Variants in H6PD observed in about 807,000 individuals in gnomAD.
H6PD encodes GDH/6PGL endoplasmic bifunctional protein.
Under a neutral mutation model 61.2 loss-of-function variants are expected in H6PD, and 48 were observed. That is an observed-to-expected ratio of 0.78 (90% confidence interval 0.62 to 1.00). H6PD has a LOEUF of 1.00. Among genes scored for constraint, H6PD ranks in the 50% least tolerant of loss-of-function variants. The pLI, the probability that H6PD is intolerant of heterozygous loss-of-function variation, is 0.00. For missense variants in H6PD, 1,093 were observed against 1,065.0 expected (o/e 1.03, Z -0.37); for synonymous variants, 480 against 457.9 (o/e 1.05, Z -0.62).
chr1:9,265,823 A>C lies in H6PD; in HGVS notation c.*954A>C, dbSNP rs1638537964. The C allele has an allele frequency of 6.6e-6, 1 of 151,384 alleles. No individual in the cohort carries two copies. Among genetic ancestry groups the C allele is most frequent in the Non-Finnish European group, 1.5e-5 (1 of 67,872 alleles). 9.4% of individuals were successfully genotyped at this position (151,384 alleles called of 1,614,324 possible). A position where few individuals can be genotyped will look rare whatever the true frequency, so the allele number is the denominator to read the frequency against. On this transcript the variant is annotated 3_prime_UTR_variant, in exon 5 of 5. Transcript: ENST00000377403. The stretch of plus-strand genomic sequence containing the variant: ...AAATCTCAGTGCTGTTTGGAGCTCC[A>C]TTTCTCATTTGATGACTTGCTCTGC...
At chr1:9,251,191 G>A (rs911337500) in intron 3 of H6PD, among the ~76,000 whole-genome samples, 1 of 152,210 alleles carries the variant, frequency 6.6e-6, no homozygotes, top group African/African-American at 2.4e-5. Context: ...CATCGGGAGG[G>A]CTCTGCAGAC....
rs1638469025 is a variant in H6PD at position 9,264,296 on chromosome 1, G to A, written c.1803G>A (p.Gln601=). 2 of 1,610,724 alleles carry A rather than the reference G, an allele frequency of 1.2e-6. No homozygotes were observed. Among genetic ancestry groups the A allele is most frequent in the Admixed American group, 1.7e-5 (1 of 59,954 alleles). The change falls in exon 5 of 5, where the codon CAG becomes CAA. Residue 601 remains glutamine, a synonymous_variant. Coordinates refer to ENST00000377403, the MANE Select transcript of H6PD (RefSeq NM_004285.4). Reference sequence around the variant, plus strand: ...CGAGCCCCGTGGCCCTGTTCCAGCAGCTGGCCACGGCGCACTATGGCTTCC... The same window carrying A: ...CGAGCCCCGTGGCCCTGTTCCAGCAACTGGCCACGGCGCACTATGGCTTCC... ...GGSSPVALFQ[Q]LATAHYGFPW... is the part of the protein sequence containing the mutation.
rs1474881251 is a variant in H6PD, at chr1:9,268,773, T to C, written c.*3904T>C. 1 of 152,248 alleles carries C rather than the reference T, an allele frequency of 6.6e-6. No individual in the cohort carries two copies. The highest frequency in any genetic ancestry group is 1.5e-5 in the Non-Finnish European group (1 of 68,056). 9.4% of individuals were successfully genotyped at this position (152,248 alleles called of 1,614,324 possible). On this transcript the variant is annotated 3_prime_UTR_variant, in exon 5 of 5. Coordinates refer to ENST00000377403, the MANE Select transcript of H6PD (RefSeq NM_004285.4). The stretch of plus-strand genomic sequence containing the variant: ...CCTCGAGGGGTTCCCTTCCAAAATA[T>C]GCAGGGCTCAGGCTCCCAATTCCGG...
chr1:9,259,338 G>C (rs1324903373), intron 3 of H6PD, among the ~76,000 whole-genome samples: 2 of 152,176 alleles, frequency 1.3e-5, no homozygotes, highest in Non-Finnish European at 2.9e-5. Flanking sequence ...TTATGTTGTT[G>C]TTACACTGGT....
rs3752547 is a variant in H6PD at position 9,234,844 on chromosome 1, C to G, written c.-233C>G. ...GGGGCGGGGTGGCGGCCGGGCTGGCCTTGGCCTCGCGCCTTCCCCTGCGGC... is the reference window on the plus strand; with the variant it reads ...GGGGCGGGGTGGCGGCCGGGCTGGCGTTGGCCTCGCGCCTTCCCCTGCGGC... On this transcript the variant is annotated 5_prime_UTR_variant, in exon 1 of 5. Transcript: ENST00000377403. 60,125 of 147,188 alleles carry G rather than the reference C, an allele frequency of 0.41. 12,437 individuals are homozygous for G. Among genetic ancestry groups the G allele is most frequent in the East Asian group, 0.52 (2,615 of 5,016 alleles). 9.1% of individuals were successfully genotyped at this position (147,188 alleles called of 1,614,324 possible).
intron 3 of H6PD, among the ~76,000 whole-genome samples, chr1:9,256,797 C>T (rs370511499): frequency 7.2e-5 from 11 of 152,320 alleles, no homozygotes; most frequent in African/African-American, 2.6e-4. Context: ...GATTCTCCTG[C>T]GTGTCCCTCC....
chr1:9,262,050 C>T lies in H6PD; in HGVS notation c.746-9C>T, dbSNP rs1317312345. On this transcript the variant is annotated splice_polypyrimidine_tract_variant and intron_variant, in intron 3 of 4. Coordinates refer to ENST00000377403, the MANE Select transcript of H6PD (RefSeq NM_004285.4). ...AGATCCTCCCCACTTCTCCACCTCC[C>T]TCCACCAGGCCGCACCAGCTTCTAT... The T allele has an allele frequency of 3.1e-6, 5 of 1,614,028 alleles. No homozygotes were observed. Among genetic ancestry groups the T allele is most frequent in the Non-Finnish European group, 3.4e-6 (4 of 1,179,994 alleles).
At chr1:9,241,590 G>C (rs756679973) in intron 1 of H6PD, among the ~76,000 whole-genome samples, 1 of 152,076 alleles carries the variant, frequency 6.6e-6, no homozygotes, top group Non-Finnish European at 1.5e-5. Context: ...GTAGAGATGG[G>C]GGTCTCGCTG....
chr1:9,250,806 TC>T (rs1458889914), intron 3 of H6PD, among the ~76,000 whole-genome samples: 1 of 151,894 alleles, frequency 6.6e-6, no homozygotes, highest in Non-Finnish European at 1.5e-5. Context: ...TTGGATGTCT[TC>T]CCCCACCCGC....
chr1:9,242,709 C>T, intron 1 of H6PD: 1 of 985,468 alleles, frequency 1.0e-6, no homozygotes, highest in Non-Finnish European at 1.2e-6. Flanking sequence ...GGAGGCTTAG[C>T]TCCTCCCTTT....
intron 3 of H6PD, among the ~76,000 whole-genome samples, chr1:9,255,331 G>T (rs908039402): frequency 1.3e-5 from 2 of 151,782 alleles, no homozygotes; most frequent in Non-Finnish European, 2.9e-5. Context: ...GCCCTGGCTG[G>T]AGTGCAGTGG....
At chr1:9,260,788 C>G (rs1208411886) in intron 3 of H6PD, among the ~76,000 whole-genome samples, 1 of 152,040 alleles carries the variant, frequency 6.6e-6, no homozygotes, top group African/African-American at 2.4e-5. Flanking sequence ...GTGTTCTTCC[C>G]TTTTATCGTC....
rs1468403777 is a variant in H6PD, at chr1:9,264,948, C to T, written c.*79C>T. 2 of 1,501,156 alleles carry T rather than the reference C, an allele frequency of 1.3e-6. No homozygotes were observed. Among genetic ancestry groups the T allele is most frequent in the Non-Finnish European group, 1.8e-6 (2 of 1,095,684 alleles). 93.0% of individuals were successfully genotyped at this position (1,501,156 alleles called of 1,614,324 possible). The stretch of plus-strand genomic sequence containing the variant: ...TTCCCTCCCTTCTCGGCCCCGCCAC[C>T]TGCCCAGCGTGCCCTGGCTCTCCAG... On this transcript the variant is annotated 3_prime_UTR_variant, in exon 5 of 5. Transcript: ENST00000377403.
At chr1:9,256,503 A>T (rs193183683) in intron 3 of H6PD, among the ~76,000 whole-genome samples, 48 of 152,292 alleles carry the variant, frequency 3.2e-4, no homozygotes, top group African/African-American at 9.9e-4. Context: ...TCCCCCAGCC[A>T]TGACCTGGAC....
At chr1:9,262,017 C>G (rs994965738) in intron 3 of H6PD, 42 bp from the exon 4 acceptor site, 2 of 1,609,050 alleles carry the variant, frequency 1.2e-6, no homozygotes, top group Admixed American at 1.7e-5. Context: ...ATGTTCTGGC[C>G]TCTCTTTAGA....
intron 3 of H6PD, among the ~76,000 whole-genome samples, chr1:9,260,401 T>TA (rs1641686108): frequency 6.6e-6 from 1 of 151,870 alleles, no homozygotes; most frequent in Non-Finnish European, 1.5e-5. Flanking sequence ...TTGCTGTTGT[T>TA]ACGGTGGTGT....
chr1:9,257,578 T>G (rs1472605180), intron 3 of H6PD, among the ~76,000 whole-genome samples: 2 of 152,208 alleles, frequency 1.3e-5, no homozygotes, highest in African/African-American at 4.8e-5. Flanking sequence ...TAGTGCTGTG[T>G]TAGGGGCTAG....
rs184223226 is a variant in H6PD at position 9,265,140 on chromosome 1, G to T, written c.*271G>T. ...GGCCAGGAGAGAAGTCTTAAGAAAA[G>T]ACCTCCAGCAGTTACACATTCATAT... On this transcript the variant is annotated 3_prime_UTR_variant, in exon 5 of 5. Transcript: ENST00000377403. 65 of 557,512 alleles carry T rather than the reference G, an allele frequency of 1.2e-4. No homozygotes were observed. Among genetic ancestry groups the T allele is most frequent in the Admixed American group, 4.9e-4 (16 of 32,650 alleles). The allele number at this position is 557,512 out of a possible 1,614,324, so 34.5% of individuals were successfully genotyped here. A position where few individuals can be genotyped will look rare whatever the true frequency, so the allele number is the denominator to read the frequency against.
chr1:9,262,753 C>G (rs1299148013), intron 4 of H6PD, among the ~76,000 whole-genome samples: 1 of 152,214 alleles, frequency 6.6e-6, no homozygotes, highest in African/African-American at 2.4e-5. Flanking sequence ...CCAGGGCTTT[C>G]TGGGAGAGGC....
Sources: allele counts gnomAD v4.1 joint callset (sites outside exome capture counted in the v4.1 genomes callset), GRCh38; gene constraint gnomAD v4.1.1; transcripts MANE v1.5; gene names NCBI Gene and HGNC (gene_info 2026-07-23, HGNC 2026-07-21).